GPC5: variants seen among roughly 807,000 people sequenced by gnomAD.
The protein encoded by GPC5 is glypican-5.
GPC5 carries 47 observed loss-of-function variants against 53.9 expected under a neutral mutation model. The observed-to-expected ratio is 0.87, with a 90% confidence interval of 0.69 to 1.11. The LOEUF is 1.11. Among genes scored for constraint, GPC5 ranks in the 50% most tolerant of loss-of-function variants. The pLI is 0.00. For missense variants in GPC5, 748 were observed against 713.1 expected (o/e 1.05, Z -0.56); for synonymous variants, 286 against 263.3 (o/e 1.09, Z -0.84).
rs184761953 is a variant in GPC5 at position 91,956,416 on chromosome 13, T to C, written c.1401+48359T>C. Among the ~76,000 whole-genome samples, 368 of 152,298 alleles carry C rather than the reference T, an allele frequency of 2.4e-3. 3 individuals carry two copies. The highest frequency in any genetic ancestry group is 8.3e-3 in the African/African-American group (347 of 41,558). Reference sequence around the variant, plus strand: ...GGGAGGCACAGGGTTTTCCTGCCACTGCTGCTGCCATTGCTAATGCCATGT... The same window carrying C: ...GGGAGGCACAGGGTTTTCCTGCCACCGCTGCTGCCATTGCTAATGCCATGT... On this transcript the variant is annotated intron_variant, in intron 6 of 7. Transcript: ENST00000377067.
chr13:92,819,108 T>C (rs1287734095), intron 7 of GPC5, among the ~76,000 whole-genome samples: 1 of 152,052 alleles, frequency 6.6e-6, no homozygotes, highest in Non-Finnish European at 1.5e-5. Flanking sequence ...ATTCTCACCC[T>C]ATGAAAAGTG....
chr13:91,502,177 T>G (rs1884674589), intron 2 of GPC5, among the ~76,000 whole-genome samples: 1 of 152,152 alleles, frequency 6.6e-6, no homozygotes. Flanking sequence ...TGCAAAAATT[T>G]TCTCCCATTC....
intron 7 of GPC5, among the ~76,000 whole-genome samples, chr13:92,432,513 C>CACAGGCA (rs1423917104): frequency 3.3e-5 from 5 of 150,656 alleles, no homozygotes; most frequent in African/African-American, 4.9e-5. Context: ...GCGTGATCAT[C>CACAGGCA]ACAGGCACCC....
intron 7 of GPC5, among the ~76,000 whole-genome samples, chr13:92,545,546 A>G (rs1464844325): frequency 1.3e-5 from 2 of 152,146 alleles, no homozygotes; most frequent in African/African-American, 4.8e-5. Flanking sequence ...ACAGTGTAAA[A>G]GTGTTCTTAT....
At chr13:92,481,402 A>G (rs1879351432) in intron 7 of GPC5, among the ~76,000 whole-genome samples, 2 of 151,936 alleles carry the variant, frequency 1.3e-5, no homozygotes, top group South Asian at 2.1e-4. Flanking sequence ...CGCCTGGCCA[A>G]TTTTTGTATT....
chr13:91,694,525 A>G (rs917177221), intron 3 of GPC5, among the ~76,000 whole-genome samples: 1 of 152,198 alleles, frequency 6.6e-6, no homozygotes, highest in Non-Finnish European at 1.5e-5. Flanking sequence ...ACGTTTTTAA[A>G]ACACAATCAT....
chr13:91,996,493 G>A (rs946694310), intron 6 of GPC5: 1 of 152,164 alleles, frequency 6.6e-6, no homozygotes, highest in Admixed American at 6.5e-5. Context: ...ATTTATTTCT[G>A]CAAATCCTAC....
chr13:91,487,566 C>A (rs1883684463), intron 2 of GPC5, among the ~76,000 whole-genome samples: 1 of 152,146 alleles, frequency 6.6e-6, no homozygotes, highest in African/African-American at 2.4e-5. Context: ...CCTTCAATGG[C>A]CTTGCATCTA....
chr13:91,958,475 A>G (rs1447827948), intron 6 of GPC5, among the ~76,000 whole-genome samples: 1 of 152,048 alleles, frequency 6.6e-6, no homozygotes, highest in East Asian at 1.9e-4. Flanking sequence ...CAGATCATCT[A>G]GACAGAAAAT....
rs1392391285 is a variant in GPC5, at chr13:92,209,120, A to G, written c.1561+64131A>G. Among the ~76,000 whole-genome samples, 3 of 152,354 alleles carry G rather than the reference A, an allele frequency of 2.0e-5. No homozygotes were observed. In the East Asian group the frequency reaches 5.8e-4, roughly 29 times the overall value. Reference sequence around the variant, plus strand: ...TTATGAAACATTCCTTTTACCTGTTATACATAATTTATATTACAACTTCCA... The same window carrying G: ...TTATGAAACATTCCTTTTACCTGTTGTACATAATTTATATTACAACTTCCA... On this transcript the variant is annotated intron_variant, in intron 7 of 7. Transcript: ENST00000377067.
At chr13:91,591,879 T>C (rs1018924035) in intron 2 of GPC5, among the ~76,000 whole-genome samples, 1 of 152,228 alleles carries the variant, frequency 6.6e-6, no homozygotes, top group Non-Finnish European at 1.5e-5. Context: ...GGGTTTCAAC[T>C]TTCTCCTGAA....
At chr13:92,735,017 T>G (rs1381544060) in intron 7 of GPC5, among the ~76,000 whole-genome samples, 2 of 151,942 alleles carry the variant, frequency 1.3e-5, no homozygotes, top group African/African-American at 4.8e-5. Context: ...AGCAGAATTT[T>G]ATCTAAGTTT....
In GPC5 at chr13:92,111,579, C is replaced by T. The variant is rs550040170; in HGVS notation, c.1402-33251C>T. 4.9e-5 allele frequency among the ~76,000 whole-genome samples: 6 copies of T among 121,306 alleles called. No individual in the cohort carries two copies. In the South Asian group the frequency reaches 1.2e-3, roughly 25 times the overall value. The allele number at this position is 121,306 out of a possible 152,430, so 79.6% of individuals were successfully genotyped here. On this transcript the variant is annotated intron_variant, in intron 6 of 7. Coordinates refer to ENST00000377067, the MANE Select transcript of GPC5 (RefSeq NM_004466.6). ...TTGATAGACTTATTTTGCCCTCTGC[C>T]CCACAAAAAAAAAATGAAACATCAA...
chr13:92,375,806 T>C (rs2043689383), intron 7 of GPC5, among the ~76,000 whole-genome samples: 1 of 152,168 alleles, frequency 6.6e-6, no homozygotes. Flanking sequence ...CTGAGATAAT[T>C]TGGTATAGTC....
chr13:91,543,287 C>A (rs960532476), intron 2 of GPC5, among the ~76,000 whole-genome samples: 2 of 152,080 alleles, frequency 1.3e-5, no homozygotes, highest in African/African-American at 4.8e-5. Context: ...GCCACCGCTC[C>A]GGCCCCCAAT....
chr13:92,004,457 ATTATAT>A (rs1418617415), intron 6 of GPC5, among the ~76,000 whole-genome samples: 1 of 30,260 alleles, frequency 3.3e-5, no homozygotes, highest in Non-Finnish European at 6.9e-5. Flanking sequence ...AAAAAAAAAA[ATTATAT>A]ATATATATAT....
At chr13:92,222,333 G>A (rs990783589) in intron 7 of GPC5, among the ~76,000 whole-genome samples, 6 of 152,168 alleles carry the variant, frequency 3.9e-5, no homozygotes, top group African/African-American at 1.4e-4. Context: ...TTGAGTGATT[G>A]TACTACTTAT....
intron 7 of GPC5, among the ~76,000 whole-genome samples, chr13:92,522,834 T>TG (rs1313525061): frequency 6.6e-6 from 1 of 152,160 alleles, no homozygotes; most frequent in Non-Finnish European, 1.5e-5. Context: ...TGCTAAATTC[T>TG]GTTTTAAAAT....
At chr13:91,933,583 G>T (rs1475329959) in intron 6 of GPC5, among the ~76,000 whole-genome samples, 2 of 152,004 alleles carry the variant, frequency 1.3e-5, no homozygotes, top group South Asian at 2.1e-4. Context: ...TATGCTAAAA[G>T]GTACCGAAAC....
Sources: allele counts gnomAD v4.1 joint callset (sites outside exome capture counted in the v4.1 genomes callset), GRCh38; gene constraint gnomAD v4.1.1; transcripts MANE v1.5; gene names NCBI Gene and HGNC (gene_info 2026-07-23, HGNC 2026-07-21).